The following SNX4 variants were observed in gnomAD, a reference collection of about 807,000 sequenced individuals.
The protein encoded by SNX4 is sorting nexin 4, also known as sorting nexin-4.
A neutral mutation model predicts 70.8 loss-of-function variants in SNX4; 49 were observed. The ratio of observed to expected loss-of-function variants is 0.69; its 90% CI spans 0.55 to 0.88. The LOEUF (loss-of-function observed/expected upper bound fraction) is 0.88. Among genes scored for constraint, SNX4 ranks in the 40% least tolerant of loss-of-function variants. The pLI, the probability that SNX4 is intolerant of heterozygous loss-of-function variation, is 0.00. For missense variants in SNX4, 528 were observed against 544.8 expected (o/e 0.97, Z 0.31); for synonymous variants, 206 against 183.8 (o/e 1.12, Z -0.98).
At chr3:125,516,021 C>T (rs1935271837) in intron 1 of SNX4, among the ~76,000 whole-genome samples, 1 of 152,226 alleles carries the variant, frequency 6.6e-6, no homozygotes, top group Non-Finnish European at 1.5e-5. Context: ...ACAATCTGGT[C>T]TACTCCATTT....
At chr3:125,498,407 C>T (rs886621940) in intron 2 of SNX4, among the ~76,000 whole-genome samples, 6 of 152,160 alleles carry the variant, frequency 3.9e-5, no homozygotes, top group African/African-American at 1.4e-4. Flanking sequence ...GCAGCCTTCG[C>T]CTCCTGGGCT....
chr3:125,462,169 C>T (rs1302239241), intron 9 of SNX4, among the ~76,000 whole-genome samples: 4 of 152,180 alleles, frequency 2.6e-5, no homozygotes, highest in Admixed American at 2.6e-4. Flanking sequence ...GTTCCCTTAT[C>T]AACAATTTGA....
Position 125,520,090 on chromosome 3 carries a change from CCCAGCCCAGCGTCTGG to C in SNX4, c.67_82del (p.Pro23GlyfsTer21). ...CTCCGCTTCCTTGCCGACCGCAGCC[CCCAGCCCAGCGTCTGG>C]GGAGCCCAGCGGCTCCAAGGGCGCC... On this transcript the variant is annotated frameshift_variant, in exon 1 of 14. Transcript: ENST00000251775. LOFTEE classifies it high-confidence loss of function. The C allele has an allele frequency of 6.5e-7, 1 of 1,533,250 alleles. No individual in the cohort carries two copies. 95.0% of individuals were successfully genotyped at this position (1,533,250 alleles called of 1,614,324 possible).
chr3:125,520,104 TG>T lies in SNX4; in HGVS notation c.68del (p.Pro23GlnfsTer26). On this transcript the variant is annotated frameshift_variant, in exon 1 of 14. Coordinates refer to ENST00000251775, the MANE Select transcript of SNX4 (RefSeq NM_003794.4). LOFTEE classifies it high-confidence loss of function. ...CGACCGCAGCCCCCAGCCCAGCGTCTGGGGAGCCCAGCGGCTCCAAGGGCGC... is the reference window on the plus strand; with the variant it reads ...CGACCGCAGCCCCCAGCCCAGCGTCTGGGAGCCCAGCGGCTCCAAGGGCGC... ...QPAPLEPLGS[P>X]DAGLGAAVGK... is the part of the protein sequence containing the mutation. The T allele has an allele frequency of 6.7e-7, 1 of 1,503,588 alleles. No homozygotes were observed. The highest frequency in any genetic ancestry group is 8.9e-7 in the Non-Finnish European group (1 of 1,129,676). 93.1% of individuals were successfully genotyped at this position (1,503,588 alleles called of 1,614,324 possible).
At chr3:125,470,774 C>T (rs142090272) in intron 8 of SNX4, among the ~76,000 whole-genome samples, 2 of 152,276 alleles carry the variant, frequency 1.3e-5, no homozygotes, top group African/African-American at 4.8e-5. Context: ...AAATCTCTAG[C>T]CCCAAACAGG....
At chr3:125,468,221 C>G (rs1934080753) in intron 9 of SNX4, among the ~76,000 whole-genome samples, 1 of 152,114 alleles carries the variant, frequency 6.6e-6, no homozygotes. Flanking sequence ...AAGAAGAGAA[C>G]AACAGAAATC....
intron 1 of SNX4, among the ~76,000 whole-genome samples, chr3:125,511,832 C>T (rs1436064607): frequency 6.6e-6 from 1 of 152,114 alleles, no homozygotes; most frequent in African/African-American, 2.4e-5. Flanking sequence ...AAAAGCTACA[C>T]ATATCAAATT....
At position 125,497,345 on chromosome 3, in the gene SNX4, A is replaced by G; in HGVS notation, c.593T>C (p.Leu198Pro). Residue 198 changes from leucine (L) to proline (P), a missense_variant, in exon 5 of 14, where the codon CTG becomes CCG. By Grantham distance (98) the Leu-to-Pro change is moderately conservative (BLOSUM62 -3). Transcript: ENST00000251775. ...ATTTCATATAAATATTCTTACCTTC[A>G]GCTGAAACCCAGTTTCATTCACAGT... The part of the protein sequence containing the change: ...KETVNETGFQ[L>P]KADSRLKALN... 2 of 1,605,920 alleles carry G rather than the reference A, an allele frequency of 1.2e-6. No individual in the cohort carries two copies. The highest frequency in any genetic ancestry group is 1.7e-6 in the Non-Finnish European group (2 of 1,173,482).
chr3:125,467,821 G>T (rs1263796332), intron 9 of SNX4, among the ~76,000 whole-genome samples: 1 of 152,184 alleles, frequency 6.6e-6, no homozygotes, highest in East Asian at 1.9e-4. Flanking sequence ...ACTGTGAAAA[G>T]CAGTCTAGAG....
At chr3:125,478,196 C>T (rs1934327626) in intron 7 of SNX4, among the ~76,000 whole-genome samples, 1 of 151,968 alleles carries the variant, frequency 6.6e-6, no homozygotes, top group Admixed American at 6.6e-5. Context: ...TATCCCACCT[C>T]AGCCTCCCGA....
intron 1 of SNX4, among the ~76,000 whole-genome samples, chr3:125,519,374 TAA>T: frequency 6.6e-6 from 1 of 152,264 alleles, no homozygotes; most frequent in African/African-American, 2.4e-5. Context: ...GGGTTATCAA[TAA>T]GTCTCCAATG....
chr3:125,458,643 C>T (rs963702314), intron 10 of SNX4, among the ~76,000 whole-genome samples: 5 of 150,528 alleles, frequency 3.3e-5, no homozygotes, highest in South Asian at 2.1e-4. Flanking sequence ...GGTGAAACCC[C>T]GTCTCTACTA....
intron 9 of SNX4, among the ~76,000 whole-genome samples, chr3:125,467,971 C>T (rs1458211586): frequency 1.3e-5 from 2 of 152,024 alleles, no homozygotes; most frequent in East Asian, 1.9e-4. Context: ...TTCACAATAG[C>T]GAAGACATGG....
intron 7 of SNX4, among the ~76,000 whole-genome samples, chr3:125,477,424 A>C (rs1346977565): frequency 1.3e-5 from 2 of 152,204 alleles, no homozygotes; most frequent in African/African-American, 4.8e-5. Context: ...GAAATTTTAC[A>C]AGTTAAAACA....
intron 1 of SNX4, among the ~76,000 whole-genome samples, chr3:125,511,362 A>G (rs1274333752): frequency 6.6e-6 from 1 of 152,232 alleles, no homozygotes; most frequent in Non-Finnish European, 1.5e-5. Flanking sequence ...GATTATCAGC[A>G]GTTAGCATAA....
chr3:125,493,186 T>A (rs7632304), intron 5 of SNX4, among the ~76,000 whole-genome samples: 1 of 152,134 alleles, frequency 6.6e-6, no homozygotes, highest in Non-Finnish European at 1.5e-5. Context: ...TGGGCTAAAG[T>A]GATCCTCCTG....
At chr3:125,449,210 T>C (rs1378899765) in intron 13 of SNX4, 1 of 151,784 alleles carries the variant, frequency 6.6e-6, no homozygotes, top group African/African-American at 2.4e-5. Context: ...GATCATGAGA[T>C]CAGGAGTTTG....
chr3:125,495,275 T>TATATATATATACACACACACAC lies in SNX4; in HGVS notation c.597+2065_597+2066insGTGTGTGTGTGTATATATATAT. Among the ~76,000 whole-genome samples, 26 of 83,060 alleles carry TATATATATATACACACACACAC rather than the reference T, an allele frequency of 3.1e-4. 1 individual carries two copies. The highest frequency in any genetic ancestry group is 9.4e-4 in the African/African-American group (26 of 27,590). 54.5% of individuals were successfully genotyped at this position (83,060 alleles called of 152,430 possible). On this transcript the variant is annotated intron_variant, in intron 5 of 13. Coordinates refer to ENST00000251775, the MANE Select transcript of SNX4 (RefSeq NM_003794.4). ...TTATATATATATATATATATATATATATACACATACACACACACACACGTA... is the reference window on the plus strand; with the variant it reads ...TTATATATATATATATATATATATATATATATATATACACACACACACATACACATACACACACACACACGTA...
At chr3:125,478,418 C>CTTT (rs72363640) in intron 7 of SNX4, among the ~76,000 whole-genome samples, 40 of 145,538 alleles carry the variant, frequency 2.7e-4, no homozygotes, top group South Asian at 4.3e-4. Flanking sequence ...TTTTTCTTTT[C>CTTT]TTTTTTTTTT....
Sources: gnomAD v4.1 joint callset for allele counts (sites outside exome capture counted in the v4.1 genomes callset) on GRCh38, gnomAD v4.1.1 for gene constraint, MANE v1.5 for transcripts, NCBI Gene and HGNC (gene_info 2026-07-23, HGNC 2026-07-21) for gene names.